Variants in GPR158 observed in about 807,000 individuals in gnomAD.
The protein encoded by GPR158 is metabotropic glycine receptor.
GPR158 carries 30 observed loss-of-function variants against 78.2 expected under a neutral mutation model. That is an observed-to-expected ratio of 0.38 (90% CI 0.29 to 0.52). GPR158 has a LOEUF of 0.52. Among genes scored for constraint, GPR158 ranks in the 20% least tolerant of loss-of-function variants. The pLI is 0.83. For missense variants in GPR158, 1,463 were observed against 1,523.5 expected, an observed-to-expected ratio of 0.96 and a Z score of 0.66; for synonymous variants, 581 against 591.1, an observed-to-expected ratio of 0.98 and a Z score of 0.25.
chr10:25,235,051 C>T (rs1853501817), intron 2 of GPR158, among the ~76,000 whole-genome samples: 2 of 151,902 alleles, frequency 1.3e-5, no homozygotes, highest in South Asian at 4.2e-4. Flanking sequence ...AATTTATTGC[C>T]CCCTGTGTAA....
intron 4 of GPR158, among the ~76,000 whole-genome samples, chr10:25,414,317 G>A (rs1301582275): frequency 6.6e-6 from 1 of 152,110 alleles, no homozygotes; most frequent in Non-Finnish European, 1.5e-5. Flanking sequence ...TTAATGACCA[G>A]AATCCTACTG....
At chr10:25,419,714 G>A (rs888678459) in intron 4 of GPR158, among the ~76,000 whole-genome samples, 20 of 152,248 alleles carry the variant, frequency 1.3e-4, no homozygotes, top group Admixed American at 7.9e-4. Flanking sequence ...TGAGTGTGAA[G>A]TGGTATCTCA....
chr10:25,432,063 A>C (rs1241511595), intron 4 of GPR158, among the ~76,000 whole-genome samples: 1 of 152,200 alleles, frequency 6.6e-6, no homozygotes, highest in Non-Finnish European at 1.5e-5. Context: ...ACATTTAAAC[A>C]ATTAAAAGGT....
At chr10:25,533,604 T>G (rs1422058682) in intron 5 of GPR158, among the ~76,000 whole-genome samples, 2 of 152,232 alleles carry the variant, frequency 1.3e-5, no homozygotes, top group African/African-American at 4.8e-5. Flanking sequence ...CTTCATTCTT[T>G]ATATATTTCA....
intron 2 of GPR158, among the ~76,000 whole-genome samples, chr10:25,378,160 G>A (rs547035365): frequency 6.6e-6 from 1 of 152,174 alleles, no homozygotes; most frequent in East Asian, 1.9e-4. Context: ...AACTTAACTT[G>A]TCTAACCAGC....
chr10:25,350,936 T>C (rs898077317), intron 2 of GPR158, among the ~76,000 whole-genome samples: 3 of 152,062 alleles, frequency 2.0e-5, no homozygotes, highest in African/African-American at 4.8e-5. Flanking sequence ...TTACCAGTTA[T>C]TCCCAGTCCA....
intron 1 of GPR158, among the ~76,000 whole-genome samples, chr10:25,211,804 T>C (rs767468898): frequency 2.0e-4 from 30 of 152,190 alleles, no homozygotes; most frequent in Non-Finnish European, 4.0e-4. Flanking sequence ...GTGATCCACT[T>C]ATTATATTTA....
intron 1 of GPR158, among the ~76,000 whole-genome samples, chr10:25,217,659 G>A (rs1327316327): frequency 1.3e-5 from 2 of 152,172 alleles, no homozygotes; most frequent in African/African-American, 4.8e-5. Flanking sequence ...AAGCACAAAG[G>A]GAGTCCAACC....
intron 2 of GPR158, among the ~76,000 whole-genome samples, chr10:25,369,076 A>C (rs10764527): frequency 4.0e-5 from 6 of 150,482 alleles, no homozygotes; most frequent in African/African-American, 1.2e-4. Context: ...GGCTGAGACA[A>C]TGGGGTTTTC....
chr10:25,233,687 C>G (rs1166226387), intron 2 of GPR158, among the ~76,000 whole-genome samples: 2 of 152,188 alleles, frequency 1.3e-5, no homozygotes, highest in East Asian at 3.9e-4. Context: ...CCTCAAGACC[C>G]TTTCAAGGGA....
rs774703418 is a variant in GPR158 at position 25,580,921 on chromosome 10, T to TA, written c.1753+8034_1753+8035insA. Among the ~76,000 whole-genome samples the TA allele has an allele frequency of 8.5e-5, 8 of 94,482 alleles. 1 individual carries two copies. The highest frequency in any genetic ancestry group is 7.1e-4 in the African/African-American group (8 of 11,204). The allele number at this position is 94,482 out of a possible 152,430, so 62.0% of individuals were successfully genotyped here. A position where few individuals can be genotyped will look rare whatever the true frequency, so the allele number is the denominator to read the frequency against. Reference sequence around the variant, plus strand: ...TTTTATTTTTTTATTTTATTTTATTTTATTTTATTTTTTTGAGACGGAGTC... The same window carrying TA: ...TTTTATTTTTTTATTTTATTTTATTTATATTTTATTTTTTTGAGACGGAGTC... On this transcript the variant is annotated intron_variant, in intron 7 of 10. Transcript: ENST00000376351.
intron 4 of GPR158, among the ~76,000 whole-genome samples, chr10:25,427,106 A>G (rs189875822): frequency 6.6e-6 from 1 of 152,164 alleles, no homozygotes; most frequent in Non-Finnish European, 1.5e-5. Flanking sequence ...ATCTATAGTC[A>G]AATGGTGGAT....
intron 4 of GPR158, among the ~76,000 whole-genome samples, chr10:25,443,515 A>C (rs2130591596): frequency 6.7e-6 from 1 of 149,012 alleles, no homozygotes; most frequent in African/African-American, 2.5e-5. Context: ...AGTTCGGACC[A>C]CTGCACTCCA....
intron 4 of GPR158, among the ~76,000 whole-genome samples, chr10:25,424,263 A>G (rs2130565817): frequency 6.6e-6 from 1 of 152,254 alleles, no homozygotes; most frequent in South Asian, 2.1e-4. Context: ...AGTTCTTTGT[A>G]GATTCAGGAT....
At chr10:25,468,010 T>C (rs1186413378) in intron 5 of GPR158, among the ~76,000 whole-genome samples, 1 of 152,156 alleles carries the variant, frequency 6.6e-6, no homozygotes, top group Non-Finnish European at 1.5e-5. Context: ...GCAGCATTGC[T>C]CCGTACCACC....
intron 5 of GPR158, among the ~76,000 whole-genome samples, chr10:25,502,948 A>G (rs1835961601): frequency 6.6e-6 from 1 of 152,226 alleles, no homozygotes; most frequent in South Asian, 2.1e-4. Flanking sequence ...TAAAATTGTT[A>G]TATAGTGCTA....
chr10:25,583,808 G>A (rs947826713), intron 7 of GPR158, among the ~76,000 whole-genome samples: 11 of 152,030 alleles, frequency 7.2e-5, no homozygotes, highest in African/African-American at 1.2e-4. Flanking sequence ...TTTTTAATGC[G>A]GCAAAGCAGG....
intron 1 of GPR158, among the ~76,000 whole-genome samples, chr10:25,188,176 A>T (rs572086024): frequency 6.6e-6 from 1 of 152,328 alleles, no homozygotes; most frequent in African/African-American, 2.4e-5. Context: ...CATGGATAGG[A>T]AGAATCAATA....
At chr10:25,348,801 G>A (rs142951923) in intron 2 of GPR158, among the ~76,000 whole-genome samples, 25 of 151,962 alleles carry the variant, frequency 1.6e-4, no homozygotes, top group African/African-American at 6.0e-4. Flanking sequence ...TGAAAAAGAG[G>A]AGGCTTCAAT....
Sources: gnomAD v4.1 joint callset for allele counts (sites outside exome capture counted in the v4.1 genomes callset) on GRCh38, gnomAD v4.1.1 for gene constraint, MANE v1.5 for transcripts, NCBI Gene and HGNC (gene_info 2026-07-23, HGNC 2026-07-21) for gene names.